PRDM10: variants seen among roughly 807,000 people sequenced by gnomAD.
The protein encoded by PRDM10 is PR domain zinc finger protein 10.
A neutral mutation model predicts 133.1 loss-of-function variants in PRDM10; 65 were observed. That is an observed-to-expected ratio of 0.49 (90% confidence interval 0.40 to 0.60). The LOEUF (loss-of-function observed/expected upper bound fraction) is 0.60, where lower values mean the gene tolerates loss of function less well. Among genes scored for constraint, PRDM10 ranks in the 20% least tolerant of loss-of-function variants. PRDM10 has a pLI of 0.00. For missense variants in PRDM10, 1,137 were observed against 1,507.1 expected, an observed-to-expected ratio of 0.75 and a Z score of 4.07; for synonymous variants, 582 against 580.4, an observed-to-expected ratio of 1.00 and a Z score of -0.04.
chr11:129,939,751 G>A (rs566915492), intron 7 of PRDM10, among the ~76,000 whole-genome samples: 39 of 152,314 alleles, frequency 2.6e-4, no homozygotes, highest in African/African-American at 8.9e-4. Flanking sequence ...CAAGGCTGGC[G>A]TGCATCCTGC....
intron 1 of PRDM10, among the ~76,000 whole-genome samples, chr11:129,980,543 A>C (rs1368104436): frequency 2.6e-5 from 4 of 152,170 alleles, no homozygotes; most frequent in African/African-American, 4.8e-5. Context: ...TCCATGGAAA[A>C]ATTGTCTCCC....
rs1307352608 is a variant in PRDM10 at position 129,945,817 on chromosome 11, T to C, written c.521-805A>G. On this transcript the variant is annotated intron_variant, in intron 5 of 20. Transcript: ENST00000360871. The surrounding 1 kb of genome is among the most constrained non-coding windows in gnomAD (Gnocchi z 4.2). ...CATGCTTTACCTTACTCCAGCTGCA[T>C]GGTGACCTGGTTTAGGAAATAGTTA... Among the ~76,000 whole-genome samples the C allele has an allele frequency of 6.6e-6, 1 of 152,220 alleles. No individual in the cohort carries two copies. Among genetic ancestry groups the C allele is most frequent in the African/African-American group, 2.4e-5 (1 of 41,458 alleles).
chr11:129,925,278 C>A (rs1421232952), intron 11 of PRDM10, 49 bp from the exon 12 acceptor site: 4 of 1,487,696 alleles, frequency 2.7e-6, no homozygotes, highest in Non-Finnish European at 9.1e-7. Context: ...ATTAAGAGTG[C>A]AACTGGATCA....
intron 20 of PRDM10, among the ~76,000 whole-genome samples, chr11:129,903,845 G>C (rs1444389091): frequency 6.6e-6 from 1 of 151,992 alleles, no homozygotes; most frequent in Admixed American, 6.5e-5. Context: ...GGGTCCATAG[G>C]TCAGCTGCAA....
chr11:129,934,614 T>C (rs1950970477), intron 9 of PRDM10, among the ~76,000 whole-genome samples: 1 of 152,188 alleles, frequency 6.6e-6, no homozygotes, highest in African/African-American at 2.4e-5. Context: ...AGACTTCTCA[T>C]CACACTTGGA....
At chr11:129,946,117 A>G (rs1951401252) in intron 5 of PRDM10, among the ~76,000 whole-genome samples, 1 of 151,902 alleles carries the variant, frequency 6.6e-6, no homozygotes, top group East Asian at 1.9e-4. Context: ...GGTGGTGCAC[A>G]TCTGTAGTCC....
intron 1 of PRDM10, among the ~76,000 whole-genome samples, chr11:129,971,502 A>C (rs577809491): frequency 3.6e-4 from 55 of 151,218 alleles, no homozygotes; most frequent in Middle Eastern, 3.4e-3. Flanking sequence ...GGTGCACTCA[A>C]AAACCTTGAG....
chr11:129,987,517 A>G lies in PRDM10; in HGVS notation c.-119+15205T>C, dbSNP rs549639308. ...TAAACATAGACACACCAAATGACTG[A>G]GCAATTCCTCATCAAGATGTAATAA... On this transcript the variant is annotated intron_variant, in intron 1 of 20. Transcript: ENST00000360871. Among the ~76,000 whole-genome samples the G allele has an allele frequency of 7.0e-4, 106 of 152,352 alleles. 1 individual carries two copies. In the South Asian group the frequency reaches 0.02, roughly 29 times the overall value.
At chr11:129,920,713 G>C (rs979073369) in intron 13 of PRDM10, among the ~76,000 whole-genome samples, 2 of 151,600 alleles carry the variant, frequency 1.3e-5, no homozygotes, top group Non-Finnish European at 2.9e-5. Flanking sequence ...CCTTTCCCTA[G>C]CTGGCAAACT....
At position 129,964,171 on chromosome 11, in the gene PRDM10, C is replaced by A. The variant is rs111823245; in HGVS notation, c.-118-3089G>T. 7.6e-3 allele frequency among the ~76,000 whole-genome samples: 1,159 copies of A among 152,252 alleles called. 11 individuals carry two copies. Among genetic ancestry groups the A allele is most frequent in the African/African-American group, 0.027 (1,111 of 41,530 alleles). ...GCTTGGCTCACTGATGGCACAAATG[C>A]GCAGGCGTGTACTATGCTAGGCACT... is the stretch of plus-strand genomic sequence containing the variant. On this transcript the variant is annotated intron_variant, in intron 1 of 20. Transcript: ENST00000360871.
intron 4 of PRDM10, among the ~76,000 whole-genome samples, chr11:129,950,829 T>C (rs1951563321): frequency 1.3e-5 from 2 of 152,178 alleles, no homozygotes; most frequent in Admixed American, 1.3e-4. Context: ...CCGCGATGTA[T>C]TTTTTTCCCA....
intron 20 of PRDM10, among the ~76,000 whole-genome samples, chr11:129,904,109 T>C (rs1284216696): frequency 6.7e-6 from 1 of 150,042 alleles, no homozygotes; most frequent in Non-Finnish European, 1.5e-5. Context: ...CTAAGTCTAG[T>C]TAATGTGACC....
Position 129,931,059 on chromosome 11 carries a change from C to A in PRDM10, c.1487G>T (p.Ser496Ile). 1 of 1,614,120 alleles carries A rather than the reference C, an allele frequency of 6.2e-7. No homozygotes were observed. Reference sequence around the variant, plus strand: ...GCGCATGTCGTCGGCTGTCAGCGTGCTCTGGGTGGGCACCACGCTCTCTTC... The same window carrying A: ...GCGCATGTCGTCGGCTGTCAGCGTGATCTGGGTGGGCACCACGCTCTCTTC... ...QHEESVVPTQ[S>I]TLTADDMRRA... The change falls in exon 11 of 21, where the codon AGC becomes ATC. Residue 496 changes from serine to isoleucine, a missense_variant. Physicochemically the swap from Ser to Ile is moderately radical, Grantham distance 142 (BLOSUM62 -2). Coordinates refer to ENST00000360871, the MANE Select transcript of PRDM10 (RefSeq NM_199437.2).
chr11:129,994,889 G>A (rs1428609321), intron 1 of PRDM10, among the ~76,000 whole-genome samples: 3 of 152,028 alleles, frequency 2.0e-5, no homozygotes, highest in African/African-American at 7.2e-5. Flanking sequence ...TCCTGACCTC[G>A]TGATCCGCCT....
Position 129,925,064 on chromosome 11 carries a change from T to C in PRDM10, c.1696A>G (p.Ile566Val), listed in dbSNP as rs921998193. Residue 566 changes from isoleucine (I) to valine (V), a missense_variant, in exon 12 of 21, where the codon ATC becomes GTC. Physicochemically the swap from Ile to Val is conservative, Grantham distance 29 (BLOSUM62 3). Around this residue, in one of 6 missense-constraint regions of PRDM10, gnomAD observed 635 missense variants for 835.2 expected, o/e 0.76. Transcript: ENST00000360871. ...TGGCTCTCCAAGGATGTGCTGCTGA[T>C]GAAGCCCTTGTTACAGAGATCACAG... ...LTCDLCNKGFISSTSLESHMK... is the reference protein window; with the variant it reads ...LTCDLCNKGFVSSTSLESHMK... 6.2e-7 allele frequency: 1 copy of C among 1,614,120 alleles called. No individual in the cohort carries two copies. The highest frequency in any genetic ancestry group is 1.3e-5 in the African/African-American group (1 of 74,948).
Position 129,918,662 on chromosome 11 carries a change from G to C in PRDM10, c.2091C>G (p.Ala697=). 1 of 1,614,130 alleles carries C rather than the reference G, an allele frequency of 6.2e-7. No homozygotes were observed. Among genetic ancestry groups the C allele is most frequent in the Non-Finnish European group, 8.5e-7 (1 of 1,179,994 alleles). The change falls in exon 14 of 21, where the codon GCC becomes GCG. Residue 697 remains alanine (A), a synonymous_variant. Transcript: ENST00000360871. This position sits in a 1 kb window ranked among gnomAD's most constrained non-coding sequence, Gnocchi z 5.3. ...AGCGGCTGATGCGGTCGGCTTTCTT[G>C]GCCTCCCTCTCAGGATTATGCATCC... ...MQRMHNPERE[A]KKADRISRSK...
At chr11:129,929,385 T>C (rs1232464185) in intron 11 of PRDM10, 2 of 1,563,986 alleles carry the variant, frequency 1.3e-6, no homozygotes, top group Non-Finnish European at 1.7e-6. Context: ...CATTCTGTTA[T>C]GTGAAACACA....
chr11:129,917,058 T>C, intron 15 of PRDM10, 69 bp downstream of exon 15: 1 of 1,111,630 alleles, frequency 9.0e-7, no homozygotes, highest in Non-Finnish European at 1.3e-6. Context: ...TATATATTTA[T>C]AAATACGGAC....
chr11:129,983,945 GC>G (rs1938258736), intron 1 of PRDM10, among the ~76,000 whole-genome samples: 3 of 152,164 alleles, frequency 2.0e-5, no homozygotes, highest in African/African-American at 7.2e-5. Flanking sequence ...CATGAATGCT[GC>G]CGGATCTCCC....
Sources: allele counts gnomAD v4.1 joint callset (sites outside exome capture counted in the v4.1 genomes callset), GRCh38; gene constraint gnomAD v4.1.1; regional missense constraint gnomAD v4.1.1; non-coding constraint Gnocchi (gnomAD v3.1); transcripts MANE v1.5; gene names NCBI Gene and HGNC (gene_info 2026-07-23, HGNC 2026-07-21).